The following MAP2K1 variants were observed in gnomAD, a reference collection of about 807,000 sequenced individuals.
MAP2K1 encodes dual specificity mitogen-activated protein kinase kinase 1.
A neutral mutation model predicts 46.3 loss-of-function variants in MAP2K1; 16 were observed. The observed-to-expected ratio is 0.35, with a 90% CI of 0.23 to 0.52. The LOEUF (loss-of-function observed/expected upper bound fraction) is 0.52, where lower values mean the gene tolerates loss of function less well. Ranked by LOEUF, MAP2K1 falls within the 20% of genes least tolerant of loss-of-function variation. The pLI is 0.94. For synonymous variants in MAP2K1, 183 were observed against 185.6 expected (o/e 0.99, Z 0.11); for missense variants, 263 against 497.1 (o/e 0.53, Z 4.48).
intron 1 of MAP2K1, among the ~76,000 whole-genome samples, chr15:66,426,616 C>T (rs1298588869): frequency 6.6e-6 from 1 of 152,156 alleles, no homozygotes; most frequent in African/African-American, 2.4e-5. Context: ...TTGGCACTCT[C>T]AGGGCAGAGC....
intron 5 of MAP2K1, among the ~76,000 whole-genome samples, chr15:66,445,511 T>C (rs762652581): frequency 3.3e-5 from 5 of 152,218 alleles, no homozygotes; most frequent in Admixed American, 1.3e-4. Flanking sequence ...TTGTCCAAGA[T>C]AAAATATAAC....
At chr15:66,478,977 G>T (rs563920101) in intron 5 of MAP2K1, among the ~76,000 whole-genome samples, 2 of 152,310 alleles carry the variant, frequency 1.3e-5, no homozygotes, top group African/African-American at 4.8e-5. Context: ...GAGCATGGCA[G>T]CAGGGTGGGT....
intron 5 of MAP2K1, among the ~76,000 whole-genome samples, chr15:66,471,604 G>T (rs910698609): frequency 1.3e-5 from 2 of 152,114 alleles, no homozygotes; most frequent in African/African-American, 4.8e-5. Context: ...GAATCACTGG[G>T]TGTTAAGATT....
chr15:66,466,732 C>T (rs1214986570), intron 5 of MAP2K1, among the ~76,000 whole-genome samples: 4 of 152,040 alleles, frequency 2.6e-5, no homozygotes, highest in Non-Finnish European at 4.4e-5. Context: ...GAAAAGTTTC[C>T]GTGACTCTGA....
intron 5 of MAP2K1, among the ~76,000 whole-genome samples, chr15:66,467,300 G>A (rs536611063): frequency 2.6e-5 from 4 of 152,228 alleles, no homozygotes; most frequent in South Asian, 2.1e-4. Context: ...AGATCTGACC[G>A]AACTGACTCC....
At chr15:66,412,975 A>G (rs1212992174) in intron 1 of MAP2K1, among the ~76,000 whole-genome samples, 1 of 151,936 alleles carries the variant, frequency 6.6e-6, no homozygotes, top group Non-Finnish European at 1.5e-5. Context: ...GGCTCACTGC[A>G]ACCTCCACCT....
chr15:66,427,680 G>A (rs1316521742), intron 1 of MAP2K1, among the ~76,000 whole-genome samples: 2 of 151,908 alleles, frequency 1.3e-5, no homozygotes, highest in Non-Finnish European at 2.9e-5. Flanking sequence ...ACTACTGTTA[G>A]CCCCATTTTA....
At chr15:66,478,632 G>C (rs1206374506) in intron 5 of MAP2K1, among the ~76,000 whole-genome samples, 1 of 151,408 alleles carries the variant, frequency 6.6e-6, no homozygotes, top group African/African-American at 2.4e-5. Flanking sequence ...CCTAGTAGCT[G>C]GGATTACAGG....
intron 3 of MAP2K1, 136 bp from the exon 4 acceptor site, chr15:66,443,144 T>TC: frequency 1.9e-6 from 1 of 517,772 alleles, no homozygotes; most frequent in Admixed American, 2.4e-5. Flanking sequence ...CTGAGTGCAG[T>TC]GGTGTGATCT....
chr15:66,478,424 A>G (rs1421405793), intron 5 of MAP2K1, among the ~76,000 whole-genome samples: 2 of 146,074 alleles, frequency 1.4e-5, no homozygotes, highest in Admixed American at 6.9e-5. Context: ...ACACACAGGT[A>G]TATATATATA....
intron 6 of MAP2K1, among the ~76,000 whole-genome samples, chr15:66,482,308 G>C (rs930583187): frequency 6.6e-6 from 1 of 152,196 alleles, no homozygotes; most frequent in Non-Finnish European, 1.5e-5. Context: ...GTAGAAACCT[G>C]AGCATTGGCT....
intron 1 of MAP2K1, among the ~76,000 whole-genome samples, chr15:66,418,945 C>CTTTTTTTTTTTTTTTTTT (rs753511565): frequency 1.1e-5 from 1 of 88,908 alleles, no homozygotes; most frequent in African/African-American, 4.7e-5. Flanking sequence ...TGTGCCCGGC[C>CTTTTTTTTTTTTTTTTTT]TTTTTTTTTT....
intron 1 of MAP2K1, among the ~76,000 whole-genome samples, chr15:66,424,361 G>A (rs1228449802): frequency 6.6e-6 from 1 of 152,072 alleles, no homozygotes; most frequent in African/African-American, 2.4e-5. Flanking sequence ...TCCAGCCCGT[G>A]TCTTGTAATT....
chr15:66,478,406 A>G (rs985768717), intron 5 of MAP2K1, among the ~76,000 whole-genome samples: 7 of 94,028 alleles, frequency 7.4e-5, no homozygotes, highest in South Asian at 6.0e-4. Context: ...GTGTGTATAT[A>G]TATATATACA....
chr15:66,463,644 G>A (rs373264056), intron 5 of MAP2K1, among the ~76,000 whole-genome samples: 13 of 152,258 alleles, frequency 8.5e-5, no homozygotes, highest in South Asian at 2.1e-4. Flanking sequence ...CACTACGCCC[G>A]GCTAATTTTT....
chr15:66,403,184 G>C (rs1031843476), intron 1 of MAP2K1, among the ~76,000 whole-genome samples: 2 of 152,120 alleles, frequency 1.3e-5, no homozygotes, highest in Non-Finnish European at 2.9e-5. Flanking sequence ...ATTACATACA[G>C]TACATGTTTT....
intron 5 of MAP2K1, among the ~76,000 whole-genome samples, chr15:66,459,616 T>TC (rs1555418214): frequency 2.1e-5 from 1 of 48,102 alleles, no homozygotes; most frequent in East Asian, 3.3e-4. Flanking sequence ...AGACACCATC[T>TC]CAAAAAAAAA....
intron 1 of MAP2K1, among the ~76,000 whole-genome samples, chr15:66,418,945 C>CTTTTTTTT (rs753511565): frequency 1.1e-5 from 1 of 88,888 alleles, no homozygotes; most frequent in Non-Finnish European, 2.1e-5. Context: ...TGTGCCCGGC[C>CTTTTTTTT]TTTTTTTTTT....
At chr15:66,432,736 G>A (rs551152800) in intron 1 of MAP2K1, among the ~76,000 whole-genome samples, 36 of 152,318 alleles carry the variant, frequency 2.4e-4, no homozygotes, top group South Asian at 4.1e-4. Flanking sequence ...TAAGACATTC[G>A]TTCTCTCTGC....
Sources: allele counts gnomAD v4.1 joint callset (sites outside exome capture counted in the v4.1 genomes callset), GRCh38; gene constraint gnomAD v4.1.1; transcripts MANE v1.5; gene names NCBI Gene and HGNC (gene_info 2026-07-23, HGNC 2026-07-21).